DCDC1: variants seen among roughly 807,000 people sequenced by gnomAD.
DCDC1 encodes doublecortin domain containing 1.
Under a neutral mutation model 178.3 loss-of-function variants are expected in DCDC1, and 200 were observed. The ratio of observed to expected loss-of-function variants is 1.12; its 90% CI spans 1.00 to 1.26. DCDC1 has a LOEUF of 1.26. Among genes scored for constraint, DCDC1 ranks in the 50% most tolerant of loss-of-function variants. The pLI is 0.00. For missense variants in DCDC1, 1,983 were observed against 1,749.2 expected (o/e 1.13, Z -2.38); for synonymous variants, 690 against 604.8 (o/e 1.14, Z -2.07).
chr11:30,904,874 C>A (rs1288746733), intron 31 of DCDC1, 87 bp downstream of exon 31: 1 of 1,493,556 alleles, frequency 6.7e-7, no homozygotes, highest in Non-Finnish European at 9.3e-7. Context: ...ACATTTATCA[C>A]TCAATCCCAC....
At chr11:30,925,747 T>C (rs1946550468) in intron 22 of DCDC1, among the ~76,000 whole-genome samples, 2 of 152,198 alleles carry the variant, frequency 1.3e-5, no homozygotes, top group Admixed American at 6.5e-5. Flanking sequence ...TTTAGTTCCT[T>C]GGTATGCCCC....
At position 31,065,127 on chromosome 11, in the gene DCDC1, G is replaced by C. The variant is rs141572448; in HGVS notation, c.2325C>G (p.Tyr775Ter). Residue 775 changes from tyrosine to a stop codon, truncating the protein, a stop_gained, in exon 19 of 39, where the codon TAC becomes TAG. Coordinates refer to ENST00000684477, the MANE Select transcript of DCDC1 (RefSeq NM_001387274.1). LOFTEE classifies it high-confidence loss of function. ...SKAYPQFVLT[Y>*]LEELNAQVDV... ...CTACTTGTGCATTTAGCTCCTCTAG[G>C]TAGGTCAGAACAAACTGAGGATAAG... 2.9e-5 allele frequency: 22 copies of C among 764,074 alleles called. No homozygotes were observed. Among genetic ancestry groups the C allele is most frequent in the Non-Finnish European group, 5.3e-5 (22 of 417,122 alleles). The allele number at this position is 764,074 out of a possible 1,614,324, so 47.3% of individuals were successfully genotyped here. A position where few individuals can be genotyped will look rare whatever the true frequency, so the allele number is the denominator to read the frequency against.
intron 7 of DCDC1, among the ~76,000 whole-genome samples, chr11:31,288,537 GA>G (rs1000456501): frequency 1.4e-4 from 22 of 151,766 alleles, no homozygotes; most frequent in Admixed American, 2.0e-4. Context: ...TCTGTGCTCA[GA>G]GAGGACTTTT....
intron 21 of DCDC1, among the ~76,000 whole-genome samples, chr11:30,951,887 C>T (rs963269590): frequency 6.6e-6 from 1 of 152,074 alleles, no homozygotes; most frequent in African/African-American, 2.4e-5. Context: ...ACAATTCACA[C>T]CTGTAATTGC....
intron 20 of DCDC1, among the ~76,000 whole-genome samples, chr11:30,961,669 G>A (rs78417253): frequency 3.6e-3 from 548 of 151,886 alleles, no homozygotes; most frequent in Non-Finnish European, 5.6e-3. Flanking sequence ...TTATTCATAC[G>A]GGTACAATAA....
At chr11:31,118,011 G>GT (rs1401712542) in intron 11 of DCDC1, among the ~76,000 whole-genome samples, 4 of 152,084 alleles carry the variant, frequency 2.6e-5, no homozygotes, top group African/African-American at 7.2e-5. Flanking sequence ...GTAAATAAAG[G>GT]TTTTTGGAGT....
At chr11:31,008,162 CA>C (rs1291702802) in intron 20 of DCDC1, among the ~76,000 whole-genome samples, 1 of 152,108 alleles carries the variant, frequency 6.6e-6, no homozygotes, top group Non-Finnish European at 1.5e-5. Flanking sequence ...AAGAAACTTT[CA>C]GGGGATAGGG....
intron 9 of DCDC1, among the ~76,000 whole-genome samples, chr11:31,146,719 G>T (rs1464951466): frequency 3.3e-5 from 5 of 152,160 alleles, no homozygotes; most frequent in Non-Finnish European, 7.3e-5. Flanking sequence ...GACTTCCTGT[G>T]TTATTAGAAA....
chr11:30,889,882 T>C (rs113843004), intron 36 of DCDC1, among the ~76,000 whole-genome samples: 28 of 152,326 alleles, frequency 1.8e-4, no homozygotes, highest in African/African-American at 6.5e-4. Context: ...GGTTAAGCCC[T>C]AACCGCTACT....
chr11:30,974,427 G>A (rs1004358915), intron 20 of DCDC1, among the ~76,000 whole-genome samples: 3 of 151,744 alleles, frequency 2.0e-5, no homozygotes, highest in South Asian at 2.1e-4. Flanking sequence ...AAGAAGGATC[G>A]ACAAAAAGTT....
chr11:30,951,047 G>A (rs1417121816), intron 21 of DCDC1, among the ~76,000 whole-genome samples: 1 of 151,810 alleles, frequency 6.6e-6, no homozygotes, highest in Non-Finnish European at 1.5e-5. Context: ...TAAGGGAGTG[G>A]GAGAATATAA....
In DCDC1 at chr11:30,904,954, C is replaced by T. The variant is rs1320207120; in HGVS notation, c.4308+7G>A. ...ATGCAAGCAGCATTTAAGTGATAGC[C>T]ACTTACCATGGGGAATGTTCCAGCC... On this transcript the variant is annotated splice_region_variant and intron_variant, in intron 31 of 38. Transcript: ENST00000684477. 1 of 1,613,568 alleles carries T rather than the reference C, an allele frequency of 6.2e-7. No individual in the cohort carries two copies. The highest frequency in any genetic ancestry group is 8.5e-7 in the Non-Finnish European group (1 of 1,179,658).
chr11:30,908,856 G>T, intron 29 of DCDC1, 90 bp downstream of exon 29: 1 of 1,240,230 alleles, frequency 8.1e-7, no homozygotes, highest in East Asian at 2.6e-5. Flanking sequence ...TGAACATAAA[G>T]TTTTCTAGGG....
At chr11:31,187,887 G>C (rs1465628158) in intron 9 of DCDC1, among the ~76,000 whole-genome samples, 1 of 152,108 alleles carries the variant, frequency 6.6e-6, no homozygotes, top group Non-Finnish European at 1.5e-5. Context: ...GCTGTTTCAA[G>C]TAAAGAAGGA....
At chr11:30,871,045 C>T (rs1941501963) in intron 38 of DCDC1, among the ~76,000 whole-genome samples, 1 of 152,146 alleles carries the variant, frequency 6.6e-6, no homozygotes. Flanking sequence ...CCCTGACATC[C>T]TAATCTAAAG....
intron 20 of DCDC1, among the ~76,000 whole-genome samples, chr11:30,989,448 T>C (rs769041768): frequency 2.0e-5 from 3 of 152,210 alleles, no homozygotes; most frequent in Non-Finnish European, 4.4e-5. Context: ...AGCCCTATCA[T>C]GGTCCTTGGG....
chr11:30,926,759 A>G (rs1015341126), intron 22 of DCDC1, among the ~76,000 whole-genome samples: 2 of 152,232 alleles, frequency 1.3e-5, no homozygotes, highest in Admixed American at 1.3e-4. Flanking sequence ...TAAAGCAATT[A>G]AACAGATAAT....
intron 7 of DCDC1, chr11:31,280,961 C>A: frequency 1.6e-6 from 1 of 630,302 alleles, no homozygotes; most frequent in East Asian, 3.6e-5. Flanking sequence ...AACAAAAACT[C>A]TTCTTGCCTT....
intron 20 of DCDC1, among the ~76,000 whole-genome samples, chr11:31,028,238 T>C (rs1953375493): frequency 6.6e-6 from 1 of 151,912 alleles, no homozygotes; most frequent in South Asian, 2.1e-4. Context: ...TACAAATGCA[T>C]AAAACCATGA....
Sources: gnomAD v4.1 joint callset for allele counts (sites outside exome capture counted in the v4.1 genomes callset) on GRCh38, gnomAD v4.1.1 for gene constraint, MANE v1.5 for transcripts, NCBI Gene and HGNC (gene_info 2026-07-23, HGNC 2026-07-21) for gene names.